CNKSR2: variants seen among roughly 807,000 people sequenced by gnomAD.
CNKSR2 encodes CNK homolog protein 2.
Under a neutral mutation model 84.4 loss-of-function variants are expected in CNKSR2, and 14 were observed. The ratio of observed to expected loss-of-function variants is 0.17; its 90% CI spans 0.11 to 0.26. The LOEUF is 0.26. CNKSR2 is among the 10% of genes least tolerant of loss of function. The pLI is 1.00. For synonymous variants in CNKSR2, 275 were observed against 277.9 expected (o/e 0.99, Z 0.10); for missense variants, 485 against 771.2 (o/e 0.63, Z 4.40).
chrX:21,485,118 G>A (rs994121008), intron 5 of CNKSR2, among the ~76,000 whole-genome samples: 7 of 111,138 alleles, frequency 6.3e-5, no homozygotes, highest in Non-Finnish European at 1.9e-5. Context: ...GGGAGGTGGA[G>A]GTGGCAGTGA....
intron 1 of CNKSR2, among the ~76,000 whole-genome samples, chrX:21,400,189 A>G (rs1464912159): frequency 1.8e-5 from 2 of 111,408 alleles, no homozygotes; most frequent in Admixed American, 1.9e-4. Context: ...GAGGCATTCC[A>G]ATTTAATTTC....
chrX:21,465,731 A>G (rs1479707529), intron 4 of CNKSR2, among the ~76,000 whole-genome samples: 2 of 111,543 alleles, frequency 1.8e-5, no homozygotes, highest in African/African-American at 3.3e-5. Flanking sequence ...TATTAATAAC[A>G]TATGCACTGT....
chrX:21,426,770 A>T (rs2090570623), intron 2 of CNKSR2, 110 bp downstream of exon 2: 18 of 864,307 alleles, frequency 2.1e-5, no homozygotes, highest in Non-Finnish European at 2.9e-5. Context: ...GAAGAAAAAA[A>T]CTCTGATTCT....
intron 1 of CNKSR2, among the ~76,000 whole-genome samples, chrX:21,396,943 C>T (rs772356418): frequency 6.3e-5 from 7 of 111,675 alleles, no homozygotes; most frequent in Admixed American, 9.5e-5. Context: ...AGTTAGAACA[C>T]GTCTTTATTA....
At chrX:21,586,936 G>A (rs1246154396) in intron 13 of CNKSR2, among the ~76,000 whole-genome samples, 2 of 111,801 alleles carry the variant, frequency 1.8e-5, no homozygotes, top group Non-Finnish European at 3.8e-5. Flanking sequence ...TATGTCTAGA[G>A]TTTTAAAAAG....
intron 8 of CNKSR2, among the ~76,000 whole-genome samples, chrX:21,511,863 AC>A (rs780144721): frequency 8.1e-5 from 9 of 110,440 alleles, no homozygotes; most frequent in Non-Finnish European, 1.1e-4. Context: ...AGCTTTGTTT[AC>A]CCCCTCAACC....
chrX:21,388,328 A>G (rs1366447339), intron 1 of CNKSR2, among the ~76,000 whole-genome samples: 3 of 112,553 alleles, frequency 2.7e-5, no homozygotes, highest in African/African-American at 3.2e-5. Context: ...AAAAACAAAT[A>G]TTAGGAGAAA....
chrX:21,494,918 A>T, intron 6 of CNKSR2: 1 of 111,830 alleles, frequency 8.9e-6, no homozygotes, highest in South Asian at 3.8e-4. Flanking sequence ...AATTCCAAGG[A>T]CATGTTAATT....
At chrX:21,451,411 C>T (rs1468859268) in intron 4 of CNKSR2, among the ~76,000 whole-genome samples, 3 of 110,345 alleles carry the variant, frequency 2.7e-5, no homozygotes, top group Non-Finnish European at 3.8e-5. Flanking sequence ...ATGTTTATTG[C>T]GGCACTATTC....
chrX:21,587,411 T>C (rs1191094752), intron 13 of CNKSR2, among the ~76,000 whole-genome samples: 1 of 111,886 alleles, frequency 8.9e-6, no homozygotes, highest in Non-Finnish European at 1.9e-5. Context: ...GAATGAGATA[T>C]ATTATGAATT....
At chrX:21,480,761 T>A (rs1358498298) in intron 5 of CNKSR2, among the ~76,000 whole-genome samples, 3 of 111,936 alleles carry the variant, frequency 2.7e-5, no homozygotes, top group African/African-American at 9.7e-5. Flanking sequence ...TCATCAAAGG[T>A]GTACATTTGG....
At chrX:21,439,848 G>A (rs1277833790) in intron 3 of CNKSR2, among the ~76,000 whole-genome samples, 1 of 110,351 alleles carries the variant, frequency 9.1e-6, no homozygotes, top group African/African-American at 3.3e-5. Context: ...TATATTTGAA[G>A]AAGAAACACC....
intron 20 of CNKSR2, among the ~76,000 whole-genome samples, chrX:21,630,628 G>C (rs968943218): frequency 1.8e-5 from 2 of 110,739 alleles, no homozygotes; most frequent in Non-Finnish European, 3.8e-5. Context: ...ATTGCATATT[G>C]CCCCTCAGAC....
rs980310493 is a variant in CNKSR2, at chrX:21,563,246, C to T, written c.1402C>T (p.Leu468=). The part of the protein sequence containing the change: ...MKRDSRRENS[L]LRYMSNEKIA... ...TATCTCTTTTTATATAGAAAACTCTCTACTTCGGTATATGAGCAATGAAAA... is the reference window on the plus strand; with the variant it reads ...TATCTCTTTTTATATAGAAAACTCTTTACTTCGGTATATGAGCAATGAAAA... The change falls in exon 13 of 22, where the codon CTA becomes TTA. Residue 468 remains leucine (L), a synonymous_variant. Transcript: ENST00000379510. 1 of 1,200,232 alleles carries T rather than the reference C, an allele frequency of 8.3e-7. No homozygotes were observed. The highest frequency in any genetic ancestry group is 1.1e-6 in the Non-Finnish European group (1 of 887,669).
At chrX:21,376,257 C>G (rs2086208310) in intron 1 of CNKSR2, among the ~76,000 whole-genome samples, 2 of 111,892 alleles carry the variant, frequency 1.8e-5, no homozygotes, top group South Asian at 7.5e-4. Flanking sequence ...ATTCTTTTCC[C>G]CAGCCTTTTT....
intron 5 of CNKSR2, among the ~76,000 whole-genome samples, chrX:21,484,741 A>AC (rs975077739): frequency 1.8e-5 from 2 of 111,834 alleles, no homozygotes; most frequent in African/African-American, 6.5e-5. Flanking sequence ...ATTGAACAGT[A>AC]CCCCACTTAC....
chrX:21,610,806 T>C (rs1451914201), intron 20 of CNKSR2, among the ~76,000 whole-genome samples: 2 of 112,189 alleles, frequency 1.8e-5, no homozygotes, highest in African/African-American at 6.5e-5. Flanking sequence ...AGTGTCAAGC[T>C]TGGCTCATTT....
chrX:21,584,415 A>G (rs1384522761), intron 13 of CNKSR2, among the ~76,000 whole-genome samples: 1 of 112,639 alleles, frequency 8.9e-6, no homozygotes, highest in Non-Finnish European at 1.9e-5. Flanking sequence ...AGCAATACAT[A>G]AAACAGGCAG....
chrX:21,403,927 C>T (rs183724510), intron 1 of CNKSR2, among the ~76,000 whole-genome samples: 90 of 112,052 alleles, frequency 8.0e-4, no homozygotes, highest in African/African-American at 2.8e-3. Flanking sequence ...AACTACAGTA[C>T]ATTTTAAGTA....
Sources: allele counts gnomAD v4.1 joint callset (sites outside exome capture counted in the v4.1 genomes callset), GRCh38; gene constraint gnomAD v4.1.1; transcripts MANE v1.5; gene names NCBI Gene and HGNC (gene_info 2026-07-23, HGNC 2026-07-21).